ADCY8: variants seen among roughly 807,000 people sequenced by gnomAD.
ADCY8 encodes adenylate cyclase 8, also known as adenylate cyclase type 8.
In ADCY8, 51 loss-of-function variants were observed where a neutral mutation model predicts 119.7. That is an observed-to-expected ratio of 0.43 (90% confidence interval 0.34 to 0.54). The LOEUF (loss-of-function observed/expected upper bound fraction) is 0.54. Among genes scored for constraint, ADCY8 ranks in the 20% least tolerant of loss-of-function variants. ADCY8 has a pLI of 0.03. For synonymous variants in ADCY8, 665 were observed against 651.0 expected (o/e 1.02, Z -0.33); for missense variants, 1,383 against 1,598.8 (o/e 0.87, Z 2.30).
At chr8:130,951,809 G>C in intron 3 of ADCY8, 59 bp downstream of exon 3, 3 of 1,593,916 alleles carry the variant, frequency 1.9e-6, no homozygotes, top group Middle Eastern at 1.9e-4. Flanking sequence ...AGTGCAATGA[G>C]AGCACCCAAA....
chr8:130,956,354 G>C lies in ADCY8; in HGVS notation c.1111-4356C>G. 1.3e-5 allele frequency among the ~76,000 whole-genome samples: 2 copies of C among 152,154 alleles called. 1 individual carries two copies. The highest frequency in any genetic ancestry group is 3.9e-4 in the East Asian group (2 of 5,188). ...TATTTATTGTGTTAAACTGAGCACA[G>C]GTCACTACAATGCGTGCTACTGTTC... On this transcript the variant is annotated intron_variant, in intron 2 of 17. Transcript: ENST00000286355.
chr8:131,019,895 A>T (rs993132309), intron 1 of ADCY8, among the ~76,000 whole-genome samples: 1 of 147,092 alleles, frequency 6.8e-6, no homozygotes, highest in Non-Finnish European at 1.5e-5. Context: ...TTTTCAAGAA[A>T]ATTGCGGGTG....
chr8:130,910,785 G>T (rs1819957839), intron 5 of ADCY8, among the ~76,000 whole-genome samples: 1 of 152,202 alleles, frequency 6.6e-6, no homozygotes, highest in South Asian at 2.1e-4. Context: ...GAAGACAGAA[G>T]AATTTCTACC....
At chr8:130,816,890 A>G (rs547796604) in intron 13 of ADCY8, among the ~76,000 whole-genome samples, 3 of 152,332 alleles carry the variant, frequency 2.0e-5, no homozygotes, top group East Asian at 3.9e-4. Flanking sequence ...TAACTTTAGA[A>G]TAATTCCAAT....
chr8:130,816,341 A>G (rs1323869824), intron 13 of ADCY8, among the ~76,000 whole-genome samples: 2 of 152,060 alleles, frequency 1.3e-5, no homozygotes, highest in Non-Finnish European at 2.9e-5. Flanking sequence ...AAAAGTGTAT[A>G]TAGTATGCTA....
rs537889111 is a variant in ADCY8, at chr8:131,029,732, C to T, written c.960+9642G>A. On this transcript the variant is annotated intron_variant, in intron 1 of 17. Coordinates refer to ENST00000286355, the MANE Select transcript of ADCY8 (RefSeq NM_001115.3). Reference sequence around the variant, plus strand: ...ATAGCAAAAACTCAGCTGCAGCTTTCTGCTCAAAGTGCTTCAAGGGATAAT... The same window carrying T: ...ATAGCAAAAACTCAGCTGCAGCTTTTTGCTCAAAGTGCTTCAAGGGATAAT... Among the ~76,000 whole-genome samples the T allele has an allele frequency of 1.7e-3, 264 of 152,268 alleles. 1 individual carries two copies. The highest frequency in any genetic ancestry group is 3.0e-3 in the Non-Finnish European group (204 of 68,022).
intron 5 of ADCY8, among the ~76,000 whole-genome samples, chr8:130,933,476 A>C (rs1484565119): frequency 6.6e-6 from 1 of 152,228 alleles, no homozygotes; most frequent in Non-Finnish European, 1.5e-5. Flanking sequence ...AAACTATAGA[A>C]GTCTGAGCCA....
rs1301407602 is a variant in ADCY8, at chr8:130,844,960, A to G, written c.2502+2464T>C. 5.3e-5 allele frequency among the ~76,000 whole-genome samples: 8 copies of G among 152,236 alleles called. No individual in the cohort carries two copies. In the East Asian group the frequency reaches 1.5e-3, roughly 29 times the overall value. ...GTGTTTGACGATAACATACATTGGC[A>G]TTACATGCTCAAAGCCCTTTTGTTG... On this transcript the variant is annotated intron_variant, in intron 11 of 17. Coordinates refer to ENST00000286355, the MANE Select transcript of ADCY8 (RefSeq NM_001115.3).
At chr8:130,962,882 G>A (rs1821646752) in intron 2 of ADCY8, among the ~76,000 whole-genome samples, 1 of 152,170 alleles carries the variant, frequency 6.6e-6, no homozygotes, top group Non-Finnish European at 1.5e-5. Context: ...TTGTTCTGGA[G>A]TTACAAAAAA....
intron 4 of ADCY8, among the ~76,000 whole-genome samples, chr8:130,942,563 T>C (rs1820987523): frequency 6.6e-6 from 1 of 152,180 alleles, no homozygotes; most frequent in South Asian, 2.1e-4. Context: ...GTATTTCCCA[T>C]AGAGTGAGGC....
At chr8:130,914,073 G>A (rs1820058246) in intron 5 of ADCY8, among the ~76,000 whole-genome samples, 1 of 152,208 alleles carries the variant, frequency 6.6e-6, no homozygotes, top group African/African-American at 2.4e-5. Context: ...ATTGTAGCCT[G>A]AGAAAGTAAA....
intron 5 of ADCY8, among the ~76,000 whole-genome samples, chr8:130,925,961 A>G (rs1424268668): frequency 2.0e-5 from 3 of 152,154 alleles, no homozygotes; most frequent in African/African-American, 7.2e-5. Flanking sequence ...AGAGAGAGTT[A>G]TCCCTCTCCA....
chr8:130,780,446 T>C lies in ADCY8; in HGVS notation c.3700A>G (p.Ser1234Gly). Residue 1234 changes from serine to glycine, a missense_variant, in exon 18 of 18, where the codon AGC (serine) becomes GGC (glycine). Around this residue, in one of 2 missense-constraint regions of ADCY8, gnomAD observed 928 missense variants for 1,163.5 expected, o/e 0.80. Coordinates refer to ENST00000286355, the MANE Select transcript of ADCY8 (RefSeq NM_001115.3). Reference sequence around the variant, plus strand: ...GCCTGGGCTCCAGGCTCTGTGCCGCTGGGTGACAACAAAGTCCGCCGGTTG... The same window carrying C: ...GCCTGGGCTCCAGGCTCTGTGCCGCCGGGTGACAACAAAGTCCGCCGGTTG... ...HYNRRTLLSP[S>G]GTEPGAQAEG... The C allele has an allele frequency of 2.5e-6, 4 of 1,613,756 alleles. No homozygotes were observed. The highest frequency in any genetic ancestry group is 3.4e-6 in the Non-Finnish European group (4 of 1,179,856).
intron 6 of ADCY8, among the ~76,000 whole-genome samples, chr8:130,908,062 A>C (rs1819848478): frequency 6.6e-6 from 1 of 152,226 alleles, no homozygotes; most frequent in South Asian, 2.1e-4. Flanking sequence ...GTTGCTGCAA[A>C]GGACATGATG....
At chr8:130,823,570 C>T (rs1040358833) in intron 12 of ADCY8, among the ~76,000 whole-genome samples, 1 of 152,060 alleles carries the variant, frequency 6.6e-6, no homozygotes, top group Admixed American at 6.6e-5. Flanking sequence ...TAGAAAGGAA[C>T]ATTCTTAAGT....
At chr8:130,982,160 TA>T (rs1304066563) in intron 2 of ADCY8, among the ~76,000 whole-genome samples, 1 of 152,186 alleles carries the variant, frequency 6.6e-6, no homozygotes, top group Non-Finnish European at 1.5e-5. Flanking sequence ...CCACATCGGG[TA>T]AACACAGTTC....
At chr8:130,798,507 T>A (rs1410633720) in intron 15 of ADCY8, among the ~76,000 whole-genome samples, 1 of 152,064 alleles carries the variant, frequency 6.6e-6, no homozygotes, top group African/African-American at 2.4e-5. Flanking sequence ...GCTGGCCAGG[T>A]GGCCTGCAGT....
At chr8:130,992,264 G>C (rs1822603375) in intron 1 of ADCY8, among the ~76,000 whole-genome samples, 1 of 148,658 alleles carries the variant, frequency 6.7e-6, no homozygotes, top group Non-Finnish European at 1.5e-5. Context: ...ATTTTTAGTA[G>C]AGATGGGGTT....
chr8:130,921,637 G>A (rs900593015), intron 5 of ADCY8, among the ~76,000 whole-genome samples: 7 of 151,826 alleles, frequency 4.6e-5, no homozygotes, highest in African/African-American at 1.2e-4. Context: ...ATTTTTAGTA[G>A]AGATGGGGTT....
Sources: gnomAD v4.1 joint callset for allele counts (sites outside exome capture counted in the v4.1 genomes callset) on GRCh38, gnomAD v4.1.1 for gene constraint, gnomAD v4.1.1 regional missense constraint, MANE v1.5 for transcripts, NCBI Gene and HGNC (gene_info 2026-07-23, HGNC 2026-07-21) for gene names.